Variants in PKIB observed in about 807,000 individuals in gnomAD.
PKIB encodes the protein PKI-beta.
PKIB carries 2 observed loss-of-function variants against 4.5 expected under a neutral mutation model. That is an observed-to-expected ratio of 0.44 (90% CI 0.18 to 1.39). PKIB has a LOEUF of 1.39. Ranked by LOEUF, PKIB falls within the 40% of genes most tolerant of loss-of-function variation. The pLI is 0.27. For synonymous variants in PKIB, 38 were observed against 36.0 expected, an observed-to-expected ratio of 1.06 and a Z score of -0.20; for missense variants, 94 against 92.6, an observed-to-expected ratio of 1.02 and a Z score of -0.06.
rs180760051 is a variant in PKIB at position 122,515,225 on chromosome 6, T to A, written c.-248+37286T>A. 3.2e-3 allele frequency among the ~76,000 whole-genome samples: 489 copies of A among 152,310 alleles called. 3 individuals are homozygous for A. The highest frequency in any genetic ancestry group is 4.1e-3 in the Non-Finnish European group (277 of 68,024). On this transcript the variant is annotated intron_variant, in intron 2 of 6. Transcript: ENST00000392491. ...AAAACTCTGGATTTGAACCGTTTAT[T>A]CCAGGTATAAATAAACAATAAAATA...
intron 2 of PKIB, among the ~76,000 whole-genome samples, chr6:122,673,372 A>C (rs1777540588): frequency 6.6e-6 from 1 of 152,148 alleles, no homozygotes; most frequent in Non-Finnish European, 1.5e-5. Flanking sequence ...TTTCTTAATC[A>C]TGTCTTTTAG....
intron 2 of PKIB, among the ~76,000 whole-genome samples, chr6:122,555,532 G>A (rs1296570517): frequency 6.6e-6 from 1 of 152,122 alleles, no homozygotes; most frequent in Admixed American, 6.6e-5. Context: ...CTTTAGACAA[G>A]ACACAAAGTG....
rs191389476 is a variant in PKIB, at chr6:122,481,520, A to T, written c.-248+3581A>T. 11 of 152,314 alleles carry T rather than the reference A, an allele frequency of 7.2e-5. No homozygotes were observed. In the East Asian group the frequency reaches 1.9e-3, roughly 27 times the overall value. 9.4% of individuals were successfully genotyped at this position (152,314 alleles called of 1,614,324 possible). ...GGCTTGTGAATTACAAAGCAGTATC[A>T]TATCAAAACTGATTTTCTGTTTTTG... On this transcript the variant is annotated intron_variant, in intron 2 of 6. Coordinates refer to the PKIB transcript ENST00000392491.
chr6:122,629,095 G>A (rs1775583613), intron 1 of PKIB, among the ~76,000 whole-genome samples: 1 of 152,178 alleles, frequency 6.6e-6, no homozygotes, highest in Admixed American at 6.5e-5. Context: ...GAATGGTTCA[G>A]TCCTGAAGGG....
chr6:122,483,000 A>C (rs1373142792), intron 2 of PKIB: 7 of 151,028 alleles, frequency 4.6e-5, no homozygotes, highest in Non-Finnish European at 8.9e-5. Flanking sequence ...GAGGGGCTTT[A>C]TCGTTTCCTT....
chr6:122,707,639 G>A (rs1779115430), intron 3 of PKIB, among the ~76,000 whole-genome samples: 1 of 152,022 alleles, frequency 6.6e-6, no homozygotes, highest in South Asian at 2.1e-4. Context: ...GCTCTCTAAT[G>A]TTAACATTCA....
intron 2 of PKIB, among the ~76,000 whole-genome samples, chr6:122,557,962 C>A (rs976210559): frequency 6.6e-6 from 1 of 152,122 alleles, no homozygotes; most frequent in Non-Finnish European, 1.5e-5. Context: ...CTATCACATA[C>A]CCTCCAAGCT....
At chr6:122,559,939 T>C (rs1168460088) in intron 2 of PKIB, among the ~76,000 whole-genome samples, 1 of 152,186 alleles carries the variant, frequency 6.6e-6, no homozygotes. Context: ...AGGAGCTTTC[T>C]GGAGGAATCC....
intron 2 of PKIB, among the ~76,000 whole-genome samples, chr6:122,578,031 G>A (rs1214645805): frequency 6.6e-6 from 1 of 151,818 alleles, no homozygotes; most frequent in South Asian, 2.1e-4. Flanking sequence ...AGATAAAGGG[G>A]TAAAACTTAG....
At chr6:122,613,394 T>A (rs1774844604) in intron 1 of PKIB, among the ~76,000 whole-genome samples, 1 of 152,168 alleles carries the variant, frequency 6.6e-6, no homozygotes, top group Non-Finnish European at 1.5e-5. Flanking sequence ...ATTAAGCATA[T>A]TCTATTAGTA....
rs991827187 is a variant in PKIB, at chr6:122,726,308, A to G, written c.*1113A>G. On this transcript the variant is annotated 3_prime_UTR_variant, in exon 5 of 5. Transcript: ENST00000368452. ...GCAGTTATGTTTTATTTGATTGTTGACTTAGGCTATGTCTGTATACAGTAA... is the reference window on the plus strand; with the variant it reads ...GCAGTTATGTTTTATTTGATTGTTGGCTTAGGCTATGTCTGTATACAGTAA... 1 of 152,100 alleles carries G rather than the reference A, an allele frequency of 6.6e-6. No homozygotes were observed. The highest frequency in any genetic ancestry group is 6.6e-5 in the Admixed American group (1 of 15,254). 9.4% of individuals were successfully genotyped at this position (152,100 alleles called of 1,614,324 possible).
intron 2 of PKIB, among the ~76,000 whole-genome samples, chr6:122,551,962 G>T (rs556088357): frequency 1.3e-4 from 19 of 146,402 alleles, no homozygotes; most frequent in African/African-American, 4.1e-4. Context: ...TTAGTCTTGG[G>T]CCATTCTAGA....
intron 3 of PKIB, among the ~76,000 whole-genome samples, chr6:122,702,628 A>G (rs1778871804): frequency 6.6e-6 from 1 of 152,002 alleles, no homozygotes; most frequent in African/African-American, 2.4e-5. Context: ...CCTTAAGGGA[A>G]ATGTTTTTAA....
At chr6:122,651,323 T>A (rs1048341481) in intron 2 of PKIB, among the ~76,000 whole-genome samples, 28 of 152,212 alleles carry the variant, frequency 1.8e-4, no homozygotes, top group Non-Finnish European at 1.9e-4. Context: ...GCACACTTCC[T>A]TGTGGACTAC....
At chr6:122,715,417 G>A (rs985073229) in intron 3 of PKIB, among the ~76,000 whole-genome samples, 9 of 151,914 alleles carry the variant, frequency 5.9e-5, no homozygotes, top group Admixed American at 1.3e-4. Context: ...TGAATTGGTG[G>A]AGGACAGAGT....
intron 2 of PKIB, among the ~76,000 whole-genome samples, chr6:122,577,741 C>T (rs1773588022): frequency 6.6e-6 from 1 of 151,860 alleles, no homozygotes; most frequent in South Asian, 2.1e-4. Flanking sequence ...AACCCCGTCT[C>T]TACTAAAAAT....
intron 3 of PKIB, among the ~76,000 whole-genome samples, chr6:122,687,684 C>T (rs1053868088): frequency 6.6e-6 from 1 of 151,986 alleles, no homozygotes; most frequent in African/African-American, 2.4e-5. Context: ...TATTTCACTT[C>T]TTTGGTTAAT....
At chr6:122,572,419 T>C (rs1445312789) in intron 2 of PKIB, among the ~76,000 whole-genome samples, 1 of 152,122 alleles carries the variant, frequency 6.6e-6, no homozygotes, top group East Asian at 1.9e-4. Context: ...TTGAAAATTA[T>C]TGGAAATGAA....
At chr6:122,685,552 G>A (rs1274589162) in intron 3 of PKIB, among the ~76,000 whole-genome samples, 1 of 151,982 alleles carries the variant, frequency 6.6e-6, no homozygotes, top group Admixed American at 6.6e-5. Context: ...TGGGTACATA[G>A]TAGGTGTATA....
Sources: gnomAD v4.1 joint callset for allele counts (sites outside exome capture counted in the v4.1 genomes callset) on GRCh38, gnomAD v4.1.1 for gene constraint, MANE v1.5 for transcripts, NCBI Gene and HGNC (gene_info 2026-07-23, HGNC 2026-07-21) for gene names.